METAP1: variants seen among roughly 807,000 people sequenced by gnomAD.
The protein encoded by METAP1 is methionyl aminopeptidase 1, also known as methionine aminopeptidase 1.
In METAP1, 28 loss-of-function variants were observed where a neutral mutation model predicts 53.8. The ratio of observed to expected loss-of-function variants is 0.52; its 90% CI spans 0.39 to 0.71. The LOEUF is 0.71. Ranked by LOEUF, METAP1 falls within the 30% of genes least tolerant of loss-of-function variation. The pLI is 0.00. For synonymous variants in METAP1, 181 were observed against 165.7 expected (o/e 1.09, Z -0.71); for missense variants, 389 against 479.8 (o/e 0.81, Z 1.77).
chr4:99,062,644 T>G lies in METAP1; in HGVS notation c.*1327T>G, dbSNP rs917957313. 6 of 152,658 alleles carry G rather than the reference T, an allele frequency of 3.9e-5. No individual in the cohort carries two copies. The highest frequency in any genetic ancestry group is 1.2e-4 in the African/African-American group (5 of 41,460). 9.5% of individuals were successfully genotyped at this position (152,658 alleles called of 1,614,324 possible). ...AAAATATAATAATGTTTTCATTACT[T>G]TTATTATTTGAATGATTTAGTAAAG... On this transcript the variant is annotated 3_prime_UTR_variant, in exon 11 of 11. Coordinates refer to ENST00000296411, the MANE Select transcript of METAP1 (RefSeq NM_015143.3).
Position 98,995,842 on chromosome 4 carries a change from T to A in METAP1, c.89T>A (p.Ile30Asn). ...LQCPTCIKLG[I>N]QGSYFCSQEC... Reference sequence around the variant, plus strand: ...TGTCCCACTTGCATCAAGCTGGGCATCCAGGGCTCGTACTTCTGCTCGCAG... The same window carrying A: ...TGTCCCACTTGCATCAAGCTGGGCAACCAGGGCTCGTACTTCTGCTCGCAG... The change falls in exon 1 of 11, where the codon ATC becomes AAC. Residue 30 changes from isoleucine to asparagine, a missense_variant. Physicochemically the swap from Ile to Asn is moderately radical, Grantham distance 149 (BLOSUM62 -3). Coordinates refer to ENST00000296411, the MANE Select transcript of METAP1 (RefSeq NM_015143.3). The A allele has an allele frequency of 6.5e-7, 1 of 1,542,894 alleles. No individual in the cohort carries two copies. Among genetic ancestry groups the A allele is most frequent in the Non-Finnish European group, 8.7e-7 (1 of 1,142,924 alleles).
intron 1 of METAP1, among the ~76,000 whole-genome samples, chr4:99,021,883 C>T (rs985758033): frequency 6.6e-6 from 1 of 152,216 alleles, no homozygotes; most frequent in African/African-American, 2.4e-5. Flanking sequence ...TTAGCCTTAT[C>T]TCAACCTACT....
intron 10 of METAP1, among the ~76,000 whole-genome samples, chr4:99,058,856 A>G (rs951876176): frequency 1.3e-5 from 2 of 152,262 alleles, no homozygotes; most frequent in Non-Finnish European, 2.9e-5. Context: ...AATGAAAATT[A>G]GAATCTCTAT....
chr4:99,017,044 A>G (rs1328706188), intron 1 of METAP1, among the ~76,000 whole-genome samples: 1 of 152,194 alleles, frequency 6.6e-6, no homozygotes, highest in Non-Finnish European at 1.5e-5. Context: ...AGTTAGATGA[A>G]ATATTTGTTT....
chr4:99,014,537 C>T (rs981540882), intron 1 of METAP1, among the ~76,000 whole-genome samples: 6 of 152,142 alleles, frequency 3.9e-5, no homozygotes, highest in African/African-American at 7.2e-5. Context: ...AACGTTGACT[C>T]GAGTCTAGCA....
intron 9 of METAP1, among the ~76,000 whole-genome samples, chr4:99,052,136 G>A (rs1319657674): frequency 6.6e-6 from 1 of 152,162 alleles, no homozygotes; most frequent in Non-Finnish European, 1.5e-5. Flanking sequence ...GTAGTCTATT[G>A]TGTGTGTAGT....
At chr4:99,016,014 A>G (rs1023028122) in intron 1 of METAP1, among the ~76,000 whole-genome samples, 14 of 152,272 alleles carry the variant, frequency 9.2e-5, no homozygotes, top group African/African-American at 2.4e-4. Context: ...TCGATGGTCA[A>G]TAACATGAGG....
intron 9 of METAP1, among the ~76,000 whole-genome samples, chr4:99,051,169 G>A (rs1000160031): frequency 2.6e-5 from 4 of 152,110 alleles, no homozygotes; most frequent in African/African-American, 9.7e-5. Context: ...ACTTGCAGAA[G>A]CAATAAAATT....
rs35357531 is a variant in METAP1, at chr4:99,040,474, A to ATT, written c.433-557_433-556dup. On this transcript the variant is annotated intron_variant, in intron 5 of 10. Coordinates refer to ENST00000296411, the MANE Select transcript of METAP1 (RefSeq NM_015143.3). The stretch of plus-strand genomic sequence containing the variant: ...GATTCTTTGAGGAATTCATTCATCT[A>ATT]TTTTTTTTTTTTTGAGACAGGGTCT... 7.6e-4 allele frequency among the ~76,000 whole-genome samples: 111 copies of ATT among 146,582 alleles called. 1 individual carries two copies. Among genetic ancestry groups the ATT allele is most frequent in the South Asian group, 7.1e-3 (33 of 4,674 alleles).
At chr4:99,050,354 A>G (rs1207925834) in intron 9 of METAP1, among the ~76,000 whole-genome samples, 2 of 152,204 alleles carry the variant, frequency 1.3e-5, no homozygotes, top group Non-Finnish European at 2.9e-5. Flanking sequence ...ATATTTTGAG[A>G]AGGCTAATTT....
chr4:99,029,273 C>T (rs1579285014), intron 2 of METAP1, among the ~76,000 whole-genome samples: 1 of 152,248 alleles, frequency 6.6e-6, no homozygotes, highest in African/African-American at 2.4e-5. Flanking sequence ...TTCATTTAAC[C>T]AGATTCCTTT....
chr4:99,000,380 A>G (rs1722860154), intron 1 of METAP1, among the ~76,000 whole-genome samples: 1 of 152,194 alleles, frequency 6.6e-6, no homozygotes, highest in Non-Finnish European at 1.5e-5. Context: ...ACCTTGGGTA[A>G]GTCCCCTCCT....
At chr4:99,036,956 T>C (rs1725464936) in intron 4 of METAP1, among the ~76,000 whole-genome samples, 1 of 152,060 alleles carries the variant, frequency 6.6e-6, no homozygotes, top group South Asian at 2.1e-4. Flanking sequence ...GATGTCTCTT[T>C]TCTGCTATAT....
chr4:99,001,225 T>C (rs917955642), intron 1 of METAP1, among the ~76,000 whole-genome samples: 1 of 152,232 alleles, frequency 6.6e-6, no homozygotes, highest in Non-Finnish European at 1.5e-5. Context: ...ATTCCTCATG[T>C]CACTTCAGAC....
At chr4:99,033,521 GC>G (rs774026964) in intron 2 of METAP1, among the ~76,000 whole-genome samples, 8 of 152,086 alleles carry the variant, frequency 5.3e-5, no homozygotes, top group Non-Finnish European at 8.8e-5. Flanking sequence ...TAGAATTCTT[GC>G]GTATATTTCA....
intron 1 of METAP1, among the ~76,000 whole-genome samples, chr4:99,000,529 C>T (rs1203269683): frequency 6.6e-6 from 1 of 151,846 alleles, no homozygotes; most frequent in Non-Finnish European, 1.5e-5. Context: ...AAAATCAGTA[C>T]CAAGGAAGGC....
intron 1 of METAP1, among the ~76,000 whole-genome samples, chr4:99,014,081 C>T (rs1048688388): frequency 4.6e-5 from 7 of 152,126 alleles, no homozygotes; most frequent in South Asian, 2.1e-4. Flanking sequence ...TTGTACAAGC[C>T]GTCGAATACA....
chr4:99,023,141 C>A, intron 1 of METAP1: 1 of 763,782 alleles, frequency 1.3e-6, no homozygotes, highest in Non-Finnish European at 2.0e-6. Flanking sequence ...TGTTGACTGA[C>A]ACGAGCAGCA....
intron 1 of METAP1, among the ~76,000 whole-genome samples, chr4:99,013,806 A>T (rs1723605182): frequency 6.6e-6 from 1 of 152,184 alleles, no homozygotes; most frequent in Non-Finnish European, 1.5e-5. Flanking sequence ...CCTTATCTCA[A>T]CCTACTGGAA....
Sources: gnomAD v4.1 joint callset for allele counts (sites outside exome capture counted in the v4.1 genomes callset) on GRCh38, gnomAD v4.1.1 for gene constraint, MANE v1.5 for transcripts, NCBI Gene and HGNC (gene_info 2026-07-23, HGNC 2026-07-21) for gene names.